CHEK2: variants seen among roughly 807,000 people sequenced by gnomAD.
The protein encoded by CHEK2 is checkpoint kinase 2, also known as serine/threonine-protein kinase Chk2.
Under a neutral mutation model 69.1 loss-of-function variants are expected in CHEK2, and 71 were observed. The observed-to-expected ratio is 1.03, with a 90% CI of 0.85 to 1.25. CHEK2 has a LOEUF of 1.25. CHEK2 is among the 50% of genes most tolerant of loss of function. The probability of loss-of-function intolerance (pLI) is 0.00; values close to 1 mark genes in which losing one functional copy is unlikely to be tolerated. For missense variants in CHEK2, 664 were observed against 649.6 expected (o/e 1.02, Z -0.24); for synonymous variants, 189 against 226.9 (o/e 0.83, Z 1.50).
At chr22:28,700,184 T>C (rs1411110581) in intron 8 of CHEK2, among the ~76,000 whole-genome samples, 1 of 150,998 alleles carries the variant, frequency 6.6e-6, no homozygotes, top group Admixed American at 6.6e-5. Context: ...TCCAATTCAG[T>C]AGCTTGGAAG....
At chr22:28,702,348 C>T (rs1314615631) in intron 8 of CHEK2, among the ~76,000 whole-genome samples, 1 of 151,352 alleles carries the variant, frequency 6.6e-6, no homozygotes, top group Admixed American at 6.6e-5. Flanking sequence ...ACGCCATTCT[C>T]CTGCCTCAGC....
intron 2 of CHEK2, chr22:28,728,080 G>C (rs1033339131): frequency 2.0e-5 from 3 of 152,182 alleles, no homozygotes; most frequent in Non-Finnish European, 4.4e-5. Flanking sequence ...GCACTAAGCT[G>C]TGGTTGCACC....
chr22:28,720,548 T>C (rs944541525), intron 4 of CHEK2, among the ~76,000 whole-genome samples: 5 of 152,212 alleles, frequency 3.3e-5, no homozygotes, highest in African/African-American at 1.2e-4. Flanking sequence ...CAATTGCCTA[T>C]GCCATCTTGA....
At chr22:28,696,110 T>C (rs1015693932) in intron 10 of CHEK2, among the ~76,000 whole-genome samples, 3 of 152,186 alleles carry the variant, frequency 2.0e-5, no homozygotes, top group African/African-American at 7.2e-5. Flanking sequence ...ACTTAACCTA[T>C]GTCCTCTGTA....
intron 13 of CHEK2, among the ~76,000 whole-genome samples, chr22:28,691,165 C>A (rs1359866474): frequency 1.3e-4 from 19 of 151,630 alleles, no homozygotes; most frequent in Admixed American, 1.1e-3. Context: ...TGGTCACAAG[C>A]CTAATCAGGC....
At chr22:28,720,226 G>C (rs1363546163) in intron 4 of CHEK2, among the ~76,000 whole-genome samples, 1 of 151,608 alleles carries the variant, frequency 6.6e-6, no homozygotes, top group Admixed American at 6.6e-5. Context: ...GAGTAGCTGG[G>C]ATTACAGGCG....
chr22:28,741,657 TTCAGCTCAAAACTACAGACAAAGCG>T (rs2054559381), intron 1 of CHEK2, 87 bp downstream of exon 1: 1 of 192,540 alleles, frequency 5.2e-6, no homozygotes, highest in Admixed American at 5.5e-5. Context: ...ACACTCCCCC[TTCAGCTCAAAACTACAGACAAAGCG>T]AAGCTCAGGA....
chr22:28,721,590 T>G lies in CHEK2; in HGVS notation c.593-2105A>C, dbSNP rs1181014989. The G allele has an allele frequency of 1.3e-5, 6 of 462,338 alleles. No homozygotes were observed. The Admixed American group carries it at 1.5e-4, about 11-fold the overall frequency. 28.6% of individuals were successfully genotyped at this position (462,338 alleles called of 1,614,324 possible). A position where few individuals can be genotyped will look rare whatever the true frequency, so the allele number is the denominator to read the frequency against. On this transcript the variant is annotated intron_variant, in intron 4 of 14. Transcript: ENST00000404276. ...ACGTGAGCCACCGCGCCCCGCCGTA[T>G]TTTTGAAAATCAGCTGAGAGAGTAG...
chr22:28,703,329 T>C (rs564876800), intron 8 of CHEK2, among the ~76,000 whole-genome samples, 176 bp downstream of exon 8: 6 of 152,174 alleles, frequency 3.9e-5, no homozygotes, highest in South Asian at 4.2e-4. Context: ...TTTGGAAACA[T>C]TGGAGGGTTT....
intron 5 of CHEK2, among the ~76,000 whole-genome samples, chr22:28,715,470 A>T (rs1266656402): frequency 6.6e-6 from 1 of 151,892 alleles, no homozygotes; most frequent in Non-Finnish European, 1.5e-5. Context: ...CCCAGGCTGG[A>T]GTGCAGTGAT....
At chr22:28,714,985 GA>G (rs1198370720) in intron 5 of CHEK2, among the ~76,000 whole-genome samples, 21 of 152,086 alleles carry the variant, frequency 1.4e-4, no homozygotes, top group African/African-American at 5.1e-4. Flanking sequence ...AGAAACACAG[GA>G]TAGCTACATA....
chr22:28,738,483 T>C (rs1338836968), intron 1 of CHEK2, among the ~76,000 whole-genome samples: 1 of 152,156 alleles, frequency 6.6e-6, no homozygotes, highest in Non-Finnish European at 1.5e-5. Context: ...AAACCTGTTT[T>C]CTCATCTGAA....
chr22:28,716,801 TG>T (rs1434475596), intron 5 of CHEK2, among the ~76,000 whole-genome samples: 1 of 152,224 alleles, frequency 6.6e-6, no homozygotes, highest in Admixed American at 6.5e-5. Context: ...AAAGTATGAT[TG>T]GATCACCCCA....
At chr22:28,688,326 C>A (rs893140800) in intron 14 of CHEK2, among the ~76,000 whole-genome samples, 19 of 152,222 alleles carry the variant, frequency 1.2e-4, no homozygotes, top group African/African-American at 4.3e-4. Context: ...AAGTCTTGGT[C>A]TTTTGCGGGA....
chr22:28,716,901 T>C (rs2145987094), intron 5 of CHEK2, among the ~76,000 whole-genome samples: 1 of 152,274 alleles, frequency 6.6e-6, no homozygotes, highest in East Asian at 1.9e-4. Flanking sequence ...TCCATTCTCA[T>C]TAGCTCATAA....
At chr22:28,719,625 GTA>G (rs2053702948) in intron 4 of CHEK2, 140 bp from the exon 5 acceptor site, 1 of 601,846 alleles carries the variant, frequency 1.7e-6, no homozygotes, top group Non-Finnish European at 3.0e-6. Context: ...AAATTAGTAT[GTA>G]TGTAATATAA....
intron 14 of CHEK2, among the ~76,000 whole-genome samples, chr22:28,688,926 C>T (rs1474720114): frequency 2.0e-5 from 3 of 152,094 alleles, no homozygotes; most frequent in South Asian, 2.1e-4. Context: ...CTGTGCTTAT[C>T]GGTCTATTAT....
intron 7 of CHEK2, among the ~76,000 whole-genome samples, chr22:28,704,035 T>C (rs2053005168): frequency 4.6e-5 from 7 of 151,834 alleles, no homozygotes; most frequent in Admixed American, 4.6e-4. Flanking sequence ...AACAAGATCC[T>C]ACCATTTTTC....
chr22:28,728,723 A>G (rs775449115), intron 2 of CHEK2, among the ~76,000 whole-genome samples: 1 of 152,132 alleles, frequency 6.6e-6, no homozygotes, highest in Non-Finnish European at 1.5e-5. Flanking sequence ...AAAACAAAAC[A>G]AAAGACTGAA....
Sources: allele counts gnomAD v4.1 joint callset (sites outside exome capture counted in the v4.1 genomes callset), GRCh38; gene constraint gnomAD v4.1.1; transcripts MANE v1.5; gene names NCBI Gene and HGNC (gene_info 2026-07-23, HGNC 2026-07-21).